ANKRD31: variants seen among roughly 807,000 people sequenced by gnomAD.
ANKRD31 encodes the protein ankyrin repeat domain-containing protein 31.
Under a neutral mutation model 186.0 loss-of-function variants are expected in ANKRD31, and 147 were observed. That is an observed-to-expected ratio of 0.79 (90% CI 0.69 to 0.91). The LOEUF (loss-of-function observed/expected upper bound fraction) is 0.91. ANKRD31 is among the 40% of genes least tolerant of loss of function. ANKRD31 has a pLI of 0.00. For missense variants in ANKRD31, 1,986 were observed against 2,148.8 expected (o/e 0.92, Z 1.50); for synonymous variants, 673 against 736.4 (o/e 0.91, Z 1.39).
chr5:75,211,872 T>C (rs1756673418), intron 3 of ANKRD31, among the ~76,000 whole-genome samples: 1 of 152,220 alleles, frequency 6.6e-6, no homozygotes, highest in South Asian at 2.1e-4. Flanking sequence ...AAGAACTCTT[T>C]ATATATTCTG....
chr5:75,233,665 C>T (rs548695931), intron 1 of ANKRD31, among the ~76,000 whole-genome samples: 3 of 152,206 alleles, frequency 2.0e-5, no homozygotes, highest in African/African-American at 7.2e-5. Flanking sequence ...CCTGTAATCC[C>T]AGCACTTTGG....
intron 3 of ANKRD31, among the ~76,000 whole-genome samples, chr5:75,217,958 T>G (rs1433905398): frequency 6.6e-6 from 1 of 152,112 alleles, no homozygotes; most frequent in South Asian, 2.1e-4. Flanking sequence ...CTGGTGGTAA[T>G]GAATTCCCTG....
chr5:75,222,509 T>C (rs1757366523), intron 2 of ANKRD31, among the ~76,000 whole-genome samples, 151 bp from the exon 3 acceptor site: 1 of 151,632 alleles, frequency 6.6e-6, no homozygotes, highest in South Asian at 2.1e-4. Context: ...AAACGAGATA[T>C]ATGTGCAGAA....
intron 3 of ANKRD31, among the ~76,000 whole-genome samples, chr5:75,220,241 ATGGAAT>A (rs1194936600): frequency 2.6e-5 from 4 of 152,182 alleles, no homozygotes; most frequent in African/African-American, 9.6e-5. Flanking sequence ...CAGGCAACCT[ATGGAAT>A]GGGAGAAAAC....
At chr5:75,115,008 T>C (rs1748096700) in intron 19 of ANKRD31, among the ~76,000 whole-genome samples, 1 of 152,080 alleles carries the variant, frequency 6.6e-6, no homozygotes, top group Admixed American at 6.6e-5. Context: ...CTTCAAACTA[T>C]ACTACAAGGC....
intron 11 of ANKRD31, among the ~76,000 whole-genome samples, chr5:75,159,572 T>C (rs1391286270): frequency 4.6e-5 from 7 of 151,276 alleles, no homozygotes; most frequent in Non-Finnish European, 8.8e-5. Flanking sequence ...GACAATGGGA[T>C]GAGACAGTCA....
At position 75,104,519 on chromosome 5, in the gene ANKRD31, A is replaced by G; in HGVS notation, c.5040T>C (p.Ser1680=). 6.5e-7 allele frequency: 1 copy of G among 1,537,096 alleles called. No homozygotes were observed. Among genetic ancestry groups the G allele is most frequent in the Non-Finnish European group, 8.7e-7 (1 of 1,146,860 alleles). Residue 1680 remains serine, a synonymous_variant, in exon 22 of 26, where the codon AGT becomes AGC. Coordinates refer to ENST00000506364, the MANE Select transcript of ANKRD31 (RefSeq NM_001372053.1). ...ATGCCCCTGTAGGTGATTGCTGGGA[A>G]CTTGTTTTTCTGTTTCCTCTTTTGG... is the stretch of plus-strand genomic sequence containing the variant. ...YDPKRGNRKT[S]SQQSPTGASE...
rs375775783 is a variant in ANKRD31 at position 75,104,811 on chromosome 5, C to A, written c.4748G>T (p.Cys1583Phe). Residue 1583 changes from cysteine to phenylalanine, a missense_variant, in exon 22 of 26, where the codon TGT becomes TTT. By Grantham distance (205) the Cys-to-Phe change is radical (BLOSUM62 -2). Transcript: ENST00000506364. ...DMNSKQNGSDCTLDGFPKSRH... is the reference protein window; with the variant it reads ...DMNSKQNGSDFTLDGFPKSRH... ...GGATTTTGGAAAACCATCCAAGGTA[C>A]AATCACTGCCATTTTGTTTAGAATT... is the stretch of plus-strand genomic sequence containing the variant. 4 of 1,537,066 alleles carry A rather than the reference C, an allele frequency of 2.6e-6. No homozygotes were observed. The Admixed American group carries it at 5.9e-5, about 23-fold the overall frequency.
chr5:75,236,359 T>G (rs1758274385), intron 1 of ANKRD31, among the ~76,000 whole-genome samples: 2 of 152,206 alleles, frequency 1.3e-5, no homozygotes. Flanking sequence ...AGCCACCTAG[T>G]ACAAACCTCA....
rs113554665 is a variant in ANKRD31, at chr5:75,104,553, T to C, written c.5006A>G (p.Asn1669Ser). The C allele has an allele frequency of 4.7e-4, 721 of 1,536,822 alleles. 1 individual carries two copies. In the African/African-American group the frequency reaches 6.1e-3, roughly 13 times the overall value. ...SNIICDQDLS[N>S]YDPKRGNRKT... Reference sequence around the variant, plus strand: ...TCTGTTTCCTCTTTTGGGATCATAATTGGAAAGGTCCTGATCACAAATAAT... The same window carrying C: ...TCTGTTTCCTCTTTTGGGATCATAACTGGAAAGGTCCTGATCACAAATAAT... The change falls in exon 22 of 26, where the codon AAT (asparagine) becomes AGT (serine). Residue 1669 changes from asparagine (N) to serine (S), a missense_variant. By Grantham distance (46) the Asn-to-Ser change is conservative (BLOSUM62 1). Coordinates refer to ENST00000506364, the MANE Select transcript of ANKRD31 (RefSeq NM_001372053.1).
At chr5:75,133,544 A>G (rs919806618) in intron 17 of ANKRD31, among the ~76,000 whole-genome samples, 3 of 152,330 alleles carry the variant, frequency 2.0e-5, no homozygotes, top group South Asian at 4.1e-4. Context: ...AAAGAGACTT[A>G]GACTCCCACA....
intron 3 of ANKRD31, among the ~76,000 whole-genome samples, chr5:75,218,458 C>T (rs61434572): frequency 0.08 from 12,211 of 151,848 alleles, 1,252 homozygotes; most frequent in African/African-American, 0.24. Context: ...AATAAACAGC[C>T]TACCAACTAA....
rs185427452 is a variant in ANKRD31, at chr5:75,110,641, G to A, written c.4243+1872C>T. ...GAAGAATGGCTTGAACCTGGGAGGC[G>A]GAGGTTCCAGTGAGCTGAGATCACA... On this transcript the variant is annotated intron_variant, in intron 20 of 25. Transcript: ENST00000506364. Among the ~76,000 whole-genome samples, 24 of 150,922 alleles carry A rather than the reference G, an allele frequency of 1.6e-4. 1 individual carries two copies. The East Asian group carries it at 3.8e-3, about 24-fold the overall frequency.
chr5:75,197,711 A>G (rs1755563587), intron 6 of ANKRD31, among the ~76,000 whole-genome samples: 1 of 152,200 alleles, frequency 6.6e-6, no homozygotes, highest in South Asian at 2.1e-4. Context: ...AATAAAGTAT[A>G]TACATTGGGC....
intron 10 of ANKRD31, among the ~76,000 whole-genome samples, chr5:75,171,909 G>A (rs1753357402): frequency 6.6e-6 from 1 of 150,596 alleles, no homozygotes. Flanking sequence ...GAGGTGAGAA[G>A]ACTTCTTAAC....
intron 17 of ANKRD31, among the ~76,000 whole-genome samples, chr5:75,119,649 A>G (rs1748591411): frequency 6.6e-6 from 1 of 152,208 alleles, no homozygotes; most frequent in Admixed American, 6.5e-5. Context: ...GGTAGTTCCA[A>G]GTTCTCTGAG....
intron 17 of ANKRD31, among the ~76,000 whole-genome samples, chr5:75,126,513 T>TA (rs1212059249): frequency 2.6e-5 from 4 of 152,300 alleles, no homozygotes; most frequent in African/African-American, 9.6e-5. Context: ...CCCTTCCAGT[T>TA]AGAGACTATT....
chr5:75,146,089 T>C lies in ANKRD31; in HGVS notation c.3322A>G (p.Ile1108Val). 1 of 1,535,446 alleles carries C rather than the reference T, an allele frequency of 6.5e-7. No individual in the cohort carries two copies. The highest frequency in any genetic ancestry group is 1.2e-5 in the South Asian group (1 of 83,930). ...RRQNHLESET[I>V]HNIDSHSTDN... Reference sequence around the variant, plus strand: ...GTGGAATGAGAATCTATATTGTGTATAGTCTCACTTTCTAGATGGTTTTGT... The same window carrying C: ...GTGGAATGAGAATCTATATTGTGTACAGTCTCACTTTCTAGATGGTTTTGT... Residue 1108 changes from isoleucine (I) to valine (V), a missense_variant, in exon 14 of 26, where the codon ATA becomes GTA. By Grantham distance (29) the Ile-to-Val change is conservative (BLOSUM62 3). Coordinates refer to ENST00000506364, the MANE Select transcript of ANKRD31 (RefSeq NM_001372053.1).
chr5:75,145,942 TAA>T, intron 14 of ANKRD31, 43 bp downstream of exon 14: 1 of 1,338,342 alleles, frequency 7.5e-7, no homozygotes, highest in Non-Finnish European at 9.7e-7. Context: ...TAAAAATAAG[TAA>T]ATCTATAGGA....
Sources: gnomAD v4.1 joint callset for allele counts (sites outside exome capture counted in the v4.1 genomes callset) on GRCh38, gnomAD v4.1.1 for gene constraint, MANE v1.5 for transcripts, NCBI Gene and HGNC (gene_info 2026-07-23, HGNC 2026-07-21) for gene names.